The following OGDH variants were observed in gnomAD, a reference collection of about 807,000 sequenced individuals.
OGDH encodes the protein oxoglutarate dehydrogenase.
A neutral mutation model predicts 116.6 loss-of-function variants in OGDH; 38 were observed. The ratio of observed to expected loss-of-function variants is 0.33; its 90% CI spans 0.25 to 0.43. The LOEUF is 0.43. Ranked by LOEUF, OGDH falls within the 20% of genes least tolerant of loss-of-function variation. OGDH has a pLI of 1.00. For missense variants in OGDH, 825 were observed against 1,357.2 expected, an observed-to-expected ratio of 0.61 and a Z score of 6.16; for synonymous variants, 488 against 533.3, an observed-to-expected ratio of 0.92 and a Z score of 1.17.
chr7:44,698,255 G>A lies in OGDH; in HGVS notation c.2422G>A (p.Val808Ile), dbSNP rs755735126. The A allele has an allele frequency of 2.9e-5, 46 of 1,614,032 alleles. No homozygotes were observed. The Middle Eastern group carries it at 4.2e-3, about 146-fold the overall frequency. The stretch of plus-strand genomic sequence containing the variant: ...GCAGATGTGCAACGATGACCCAGAT[G>A]TCCTGCCAGTGAGTAATACAGGCCC... Reference protein sequence around the residue: ...FLQMCNDDPDVLPDLKEANFD... With the variant: ...FLQMCNDDPDILPDLKEANFD... Residue 808 changes from valine (V) to isoleucine (I), a missense_variant, in exon 18 of 23, where the codon GTC (valine) becomes ATC (isoleucine). Physicochemically the swap from Val to Ile is conservative, Grantham distance 29. Coordinates refer to ENST00000222673, the MANE Select transcript of OGDH (RefSeq NM_002541.4).
chr7:44,638,475 A>G (rs949791565), intron 2 of OGDH, among the ~76,000 whole-genome samples: 2 of 152,100 alleles, frequency 1.3e-5, no homozygotes, highest in African/African-American at 4.8e-5. Context: ...CTCAAGTCTG[A>G]TTTTCCCCAT....
rs142347069 is a variant in OGDH at position 44,629,998 on chromosome 7, G to A, written c.222+5433G>A. Among the ~76,000 whole-genome samples the A allele has an allele frequency of 6.0e-4, 92 of 152,304 alleles. 2 individuals are homozygous for A. The highest frequency in any genetic ancestry group is 2.1e-3 in the African/African-American group (88 of 41,564). On this transcript the variant is annotated intron_variant, in intron 2 of 22. Coordinates refer to ENST00000222673, the MANE Select transcript of OGDH (RefSeq NM_002541.4). ...CTATGCGTTCAGATTACAGGTGCAG[G>A]CTGTTGGCCTGCTGCTGAGTCTGGC...
At chr7:44,656,460 G>T (rs908346165) in intron 4 of OGDH, 2 of 1,060,060 alleles carry the variant, frequency 1.9e-6, no homozygotes, top group African/African-American at 3.2e-5. Flanking sequence ...GAAAGTTGAC[G>T]CAACTTCTGT....
chr7:44,613,688 G>A (rs1784656007), intron 1 of OGDH, among the ~76,000 whole-genome samples: 1 of 151,632 alleles, frequency 6.6e-6, no homozygotes, highest in African/African-American at 2.4e-5. Context: ...TCGAGATGGG[G>A]TTTCACCATG....
intron 2 of OGDH, among the ~76,000 whole-genome samples, chr7:44,640,667 G>A (rs564094445): frequency 8.4e-4 from 128 of 152,168 alleles, no homozygotes; most frequent in African/African-American, 2.9e-3. Flanking sequence ...TGGGTTTTAC[G>A]AAATAGAAGA....
At chr7:44,661,647 T>C (rs1275852040) in intron 4 of OGDH, among the ~76,000 whole-genome samples, 8 of 152,134 alleles carry the variant, frequency 5.3e-5, no homozygotes, top group Non-Finnish European at 1.0e-4. Flanking sequence ...TCACCCAGGC[T>C]AGAGTGGTGC....
intron 4 of OGDH, among the ~76,000 whole-genome samples, chr7:44,663,773 C>CA (rs1229940743): frequency 2.0e-5 from 3 of 151,546 alleles, no homozygotes; most frequent in African/African-American, 7.3e-5. Flanking sequence ...GATGCTATCT[C>CA]AAAAAAAATT....
rs200506951 is a variant in OGDH at position 44,707,241 on chromosome 7, G to A, written c.2649G>A (p.Arg883=). 3 of 1,614,088 alleles carry A rather than the reference G, an allele frequency of 1.9e-6. No individual in the cohort carries two copies. In the African/African-American group the frequency reaches 4.0e-5, roughly 22 times the overall value. The change falls in exon 21 of 23, where the codon CGG becomes CGA. Residue 883 remains arginine (R), a synonymous_variant. Transcript: ENST00000222673. This position sits in a 1 kb window ranked among gnomAD's most constrained non-coding sequence, Gnocchi z 5.2. ...DEMLPGTHFQ[R]VIPEDGPAAQ... ...CTCTTGTAGGAACCCACTTCCAGCG[G>A]GTGATCCCAGAAGATGGCCCTGCAG...
intron 5 of OGDH, 69 bp downstream of exon 5, chr7:44,666,920 C>A (rs1258549060): frequency 2.0e-5 from 18 of 910,794 alleles, no homozygotes; most frequent in Non-Finnish European, 3.0e-5. Context: ...GGCTTTGAGA[C>A]TAGTTTTATT....
intron 2 of OGDH, among the ~76,000 whole-genome samples, chr7:44,639,831 G>A (rs1473700386): frequency 2.0e-5 from 3 of 152,226 alleles, no homozygotes; most frequent in Non-Finnish European, 4.4e-5. Flanking sequence ...ATAAGGGAAA[G>A]GCTGCAGAAG....
chr7:44,694,050 C>A lies in OGDH; in HGVS notation c.1515+46C>A. The A allele has an allele frequency of 6.4e-7, 1 of 1,561,286 alleles. No individual in the cohort carries two copies. The highest frequency in any genetic ancestry group is 1.7e-4 in the Middle Eastern group (1 of 5,862). ...CACGTCCTGGGCAGAGCATCTGACCCACCCCTCTTGCCCTCGGCACCCCTG... is the reference window on the plus strand; with the variant it reads ...CACGTCCTGGGCAGAGCATCTGACCAACCCCTCTTGCCCTCGGCACCCCTG... On this transcript the variant is annotated intron_variant, in intron 11 of 22. Transcript: ENST00000222673. The surrounding 1 kb of genome is among the most constrained non-coding windows in gnomAD (Gnocchi z 4.2).
chr7:44,647,853 C>A, intron 4 of OGDH, 94 bp downstream of exon 4: 2 of 901,468 alleles, frequency 2.2e-6, no homozygotes, highest in Non-Finnish European at 1.8e-6. Flanking sequence ...GAGGGAAAGG[C>A]TCTTAAGTTT....
chr7:44,641,128 C>G (rs1366239297), intron 2 of OGDH, among the ~76,000 whole-genome samples: 3 of 150,486 alleles, frequency 2.0e-5, no homozygotes, highest in African/African-American at 7.3e-5. Flanking sequence ...GTCTCGATCT[C>G]CTAACCTCGT....
At position 44,624,310 on chromosome 7, in the gene OGDH, T is replaced by TTTTACAGGCA; in HGVS notation, c.-27-7_-27-6insTTTACAGGCA. 9.1e-7 allele frequency: 1 copy of TTTTACAGGCA among 1,102,340 alleles called. No individual in the cohort carries two copies. The highest frequency in any genetic ancestry group is 1.2e-6 in the Non-Finnish European group (1 of 812,452). 68.3% of individuals were successfully genotyped at this position (1,102,340 alleles called of 1,614,324 possible). A position where few individuals can be genotyped will look rare whatever the true frequency, so the allele number is the denominator to read the frequency against. On this transcript the variant is annotated splice_region_variant and splice_polypyrimidine_tract_variant and intron_variant, in intron 1 of 22. Coordinates refer to ENST00000222673, the MANE Select transcript of OGDH (RefSeq NM_002541.4). ...TTTCTTGTTTTTTTTTTTTTTTTTT[T>TTTTACAGGCA]GTACAGGCAGTTGTGAAAAACTTCA...
At position 44,678,830 on chromosome 7, in the gene OGDH, T is replaced by A. The variant is rs376644570; in HGVS notation, c.1206+2681T>A. The stretch of plus-strand genomic sequence containing the variant: ...TCCAGAAACTCAGGGAGCTGGAGTG[T>A]GTGTTATGTAACTCTCAGCATTTTT... On this transcript the variant is annotated intron_variant, in intron 9 of 22. Transcript: ENST00000222673. Among the ~76,000 whole-genome samples the A allele has an allele frequency of 8.5e-5, 13 of 152,324 alleles. No homozygotes were observed. The East Asian group carries it at 2.5e-3, about 29-fold the overall frequency.
Position 44,709,051 on chromosome 7 carries a change from C to CT in OGDH, c.*1053dup, listed in dbSNP as rs1789213027. ...GCATTGCATTGGCTTGACCCATAAA[C>CT]TAAGTTATATCCGTGGGCATGTCTG... On this transcript the variant is annotated 3_prime_UTR_variant, in exon 23 of 23. Coordinates refer to ENST00000222673, the MANE Select transcript of OGDH (RefSeq NM_002541.4). 6.6e-6 allele frequency: 1 copy of CT among 151,560 alleles called. No individual in the cohort carries two copies. Among genetic ancestry groups the CT allele is most frequent in the African/African-American group, 2.4e-5 (1 of 41,234 alleles). The allele number at this position is 151,560 out of a possible 1,614,324, so 9.4% of individuals were successfully genotyped here.
intron 2 of OGDH, among the ~76,000 whole-genome samples, chr7:44,645,063 A>G (rs996483665): frequency 2.0e-5 from 3 of 152,156 alleles, no homozygotes; most frequent in African/African-American, 4.8e-5. Flanking sequence ...GTGTTGATGG[A>G]AGGCGGCCAC....
In OGDH at chr7:44,697,732, G is replaced by A. The variant is rs762334259; in HGVS notation, c.2308G>A (p.Val770Met). 7 of 1,614,118 alleles carry A rather than the reference G, an allele frequency of 4.3e-6. No homozygotes were observed. Residue 770 changes from valine (V) to methionine (M), a missense_variant, in exon 17 of 23, where the codon GTG becomes ATG. Val to Met is a conservative substitution (Grantham distance 21). Transcript: ENST00000222673. This position sits in a 1 kb window ranked among gnomAD's most constrained non-coding sequence, Gnocchi z 6.0. ...CATCTGCCCGGGACAAGCCAAGTGG[G>A]TGCGGCAGAATGGCATCGTGTTGCT... is the stretch of plus-strand genomic sequence containing the variant. Reference protein sequence around the residue: ...QFICPGQAKWVRQNGIVLLLP... With the variant: ...QFICPGQAKWMRQNGIVLLLP...
chr7:44,622,670 A>C (rs1191787678), intron 1 of OGDH: 2 of 152,168 alleles, frequency 1.3e-5, no homozygotes, highest in Non-Finnish European at 2.9e-5. Flanking sequence ...GGTAATTCAC[A>C]CTATGTTTCA....
Sources: gnomAD v4.1 joint callset for allele counts (sites outside exome capture counted in the v4.1 genomes callset) on GRCh38, gnomAD v4.1.1 for gene constraint, Gnocchi (gnomAD v3.1) non-coding constraint, MANE v1.5 for transcripts, NCBI Gene and HGNC (gene_info 2026-07-23, HGNC 2026-07-21) for gene names.